Variants in DNAH9 observed in about 807,000 individuals in gnomAD.
The protein encoded by DNAH9 is DNAH9 variant protein.
Under a neutral mutation model 471.6 loss-of-function variants are expected in DNAH9, and 345 were observed. That is an observed-to-expected ratio of 0.73 (90% CI 0.67 to 0.80). The LOEUF (loss-of-function observed/expected upper bound fraction) is 0.80, where lower values mean the gene tolerates loss of function less well. Ranked by LOEUF, DNAH9 falls within the 30% of genes least tolerant of loss-of-function variation. The pLI, the probability that DNAH9 is intolerant of heterozygous loss-of-function variation, is 0.00. For missense variants in DNAH9, 5,407 were observed against 5,609.2 expected (o/e 0.96, Z 1.15); for synonymous variants, 2,093 against 2,123.6 (o/e 0.99, Z 0.40).
chr17:11,963,480 T>C (rs1172372324), intron 68 of DNAH9, among the ~76,000 whole-genome samples: 2 of 151,344 alleles, frequency 1.3e-5, no homozygotes, highest in East Asian at 1.9e-4. Context: ...GGCACAGATA[T>C]GGGAACAATA....
At chr17:11,840,811 C>A (rs1262932242) in intron 49 of DNAH9, among the ~76,000 whole-genome samples, 1 of 152,048 alleles carries the variant, frequency 6.6e-6, no homozygotes, top group Non-Finnish European at 1.5e-5. Context: ...GCCAAGGAAT[C>A]GGACAACCTC....
intron 49 of DNAH9, among the ~76,000 whole-genome samples, chr17:11,846,074 G>C (rs1303369030): frequency 6.6e-6 from 1 of 151,094 alleles, no homozygotes; most frequent in Non-Finnish European, 1.5e-5. Flanking sequence ...TGAAGTCCTT[G>C]CCCATGCCTA....
rs114964839 is a variant in DNAH9, at chr17:11,957,216, A to G, written c.12844-4651A>G. ...ATCAAAGCTCACCCAAGTAAAATGT[A>G]TAACCTAAATAGCCCATATGTGTTT... is the stretch of plus-strand genomic sequence containing the variant. On this transcript the variant is annotated intron_variant, in intron 67 of 68. Coordinates refer to ENST00000262442, the MANE Select transcript of DNAH9 (RefSeq NM_001372.4). Among the ~76,000 whole-genome samples the G allele has an allele frequency of 4.5e-3, 688 of 152,280 alleles. 8 individuals carry two copies. Among genetic ancestry groups the G allele is most frequent in the African/African-American group, 0.016 (660 of 41,566 alleles).
intron 27 of DNAH9, among the ~76,000 whole-genome samples, chr17:11,720,620 T>A (rs184803171): frequency 1.3e-5 from 2 of 152,340 alleles, no homozygotes; most frequent in Non-Finnish European, 2.9e-5. Context: ...GTAAAATAAA[T>A]TTAATGTAGT....
chr17:11,608,064 G>A, intron 1 of DNAH9, 65 bp from the exon 2 acceptor site: 5 of 1,286,190 alleles, frequency 3.9e-6, no homozygotes. Context: ...TTTTCCAGAT[G>A]AGGATTTCTT....
At chr17:11,760,838 G>C (rs968562219) in intron 35 of DNAH9, among the ~76,000 whole-genome samples, 6 of 152,158 alleles carry the variant, frequency 3.9e-5, no homozygotes, top group African/African-American at 1.4e-4. Context: ...CACTCTCACA[G>C]CCACCCTGCG....
At chr17:11,802,967 G>A (rs1969522182) in intron 43 of DNAH9, among the ~76,000 whole-genome samples, 1 of 152,206 alleles carries the variant, frequency 6.6e-6, no homozygotes, top group Admixed American at 6.5e-5. Flanking sequence ...TGGTTGGGAT[G>A]CTTTGGGAAG....
At chr17:11,720,272 A>G (rs1302479882) in intron 27 of DNAH9, among the ~76,000 whole-genome samples, 2 of 149,394 alleles carry the variant, frequency 1.3e-5, no homozygotes, top group East Asian at 3.9e-4. Flanking sequence ...ATTATACTTT[A>G]AGTTCTAGGG....
At chr17:11,654,869 A>AG (rs2073604626) in intron 14 of DNAH9, among the ~76,000 whole-genome samples, 1 of 152,146 alleles carries the variant, frequency 6.6e-6, no homozygotes, top group Admixed American at 6.5e-5. Context: ...TAGGAAGCAG[A>AG]GCTGTCTGAC....
Position 11,598,663 on chromosome 17 carries a change from GCTCCAGGC to G in DNAH9, c.168_175del (p.Gln57ProfsTer33). 3 of 1,360,908 alleles carry G rather than the reference GCTCCAGGC, an allele frequency of 2.2e-6. No individual in the cohort carries two copies. The highest frequency in any genetic ancestry group is 2.8e-6 in the Non-Finnish European group (3 of 1,062,902). 84.3% of individuals were successfully genotyped at this position (1,360,908 alleles called of 1,614,324 possible). On this transcript the variant is annotated frameshift_variant, in exon 1 of 69. Coordinates refer to ENST00000262442, the MANE Select transcript of DNAH9 (RefSeq NM_001372.4). LOFTEE classifies it high-confidence loss of function. Reference sequence around the variant, plus strand: ...CGGGGAGTGCTGAGGCGGAGCAGCTGCTCCAGGCCTTCCTGGGCCGCGATGCTGCCGAG... The same window carrying G: ...CGGGGAGTGCTGAGGCGGAGCAGCTGCTTCCTGGGCCGCGATGCTGCCGAG...
chr17:11,720,471 TG>T (rs2075037480), intron 27 of DNAH9, among the ~76,000 whole-genome samples: 1 of 152,274 alleles, frequency 6.6e-6, no homozygotes, highest in South Asian at 2.1e-4. Context: ...TCGTTATTTT[TG>T]TTATATTGTA....
At chr17:11,917,982 T>C (rs1412807349) in intron 61 of DNAH9, among the ~76,000 whole-genome samples, 3 of 152,200 alleles carry the variant, frequency 2.0e-5, no homozygotes, top group Non-Finnish European at 4.4e-5. Flanking sequence ...GAGTTCTGTC[T>C]TTCCATTTTC....
chr17:11,748,340 A>G (rs1966986303), intron 32 of DNAH9, among the ~76,000 whole-genome samples: 1 of 152,026 alleles, frequency 6.6e-6, no homozygotes, highest in Non-Finnish European at 1.5e-5. Flanking sequence ...TAAATAAATA[A>G]GATAAAGCAA....
At chr17:11,662,234 C>A (rs923256925) in intron 14 of DNAH9, among the ~76,000 whole-genome samples, 1 of 151,980 alleles carries the variant, frequency 6.6e-6, no homozygotes, top group African/African-American at 2.4e-5. Flanking sequence ...TTACTAGATT[C>A]TTTTTTAATC....
intron 14 of DNAH9, among the ~76,000 whole-genome samples, chr17:11,659,371 T>G (rs1567698280): frequency 6.6e-6 from 1 of 152,218 alleles, no homozygotes; most frequent in Non-Finnish European, 1.5e-5. Context: ...GAACATGTCC[T>G]GCTTCCAGGG....
At chr17:11,747,816 C>T (rs1343276296) in intron 32 of DNAH9, 50 bp downstream of exon 32, 9 of 1,529,398 alleles carry the variant, frequency 5.9e-6, no homozygotes, top group South Asian at 5.6e-5. Flanking sequence ...CTCAGAGTCC[C>T]TGTGGCGGGC....
intron 27 of DNAH9, among the ~76,000 whole-genome samples, chr17:11,723,864 G>C (rs372296726): frequency 6.6e-6 from 1 of 151,768 alleles, no homozygotes; most frequent in East Asian, 2.0e-4. Flanking sequence ...TAGTAGAGAC[G>C]GTGTCTCACT....
chr17:11,959,728 A>G (rs1388303580), intron 67 of DNAH9, among the ~76,000 whole-genome samples: 2 of 152,222 alleles, frequency 1.3e-5, no homozygotes, highest in Admixed American at 6.5e-5. Context: ...TTTACATCCC[A>G]TGGAGCCTTG....
intron 61 of DNAH9, among the ~76,000 whole-genome samples, chr17:11,908,237 C>A (rs1973673327): frequency 6.6e-6 from 1 of 152,132 alleles, no homozygotes; most frequent in South Asian, 2.1e-4. Flanking sequence ...GTAAGTGGAC[C>A]CACACAATTC....
Sources: allele counts gnomAD v4.1 joint callset (sites outside exome capture counted in the v4.1 genomes callset), GRCh38; gene constraint gnomAD v4.1.1; transcripts MANE v1.5; gene names NCBI Gene and HGNC (gene_info 2026-07-23, HGNC 2026-07-21).